Variants in LRRTM4 observed in about 807,000 individuals in gnomAD.
LRRTM4 encodes the protein leucine-rich repeat transmembrane neuronal protein 4.
Under a neutral mutation model 47.6 loss-of-function variants are expected in LRRTM4, and 25 were observed. That is an observed-to-expected ratio of 0.53 (90% confidence interval 0.38 to 0.73). The LOEUF is 0.73. Among genes scored for constraint, LRRTM4 ranks in the 30% least tolerant of loss-of-function variants. The pLI is 0.00. For missense variants in LRRTM4, 638 were observed against 713.4 expected, an observed-to-expected ratio of 0.89 and a Z score of 1.20; for synonymous variants, 311 against 269.5, an observed-to-expected ratio of 1.15 and a Z score of -1.51.
intron 3 of LRRTM4, among the ~76,000 whole-genome samples, chr2:76,904,984 G>T (rs1009856037): frequency 6.6e-6 from 1 of 152,178 alleles, no homozygotes; most frequent in Non-Finnish European, 1.5e-5. Flanking sequence ...TCTGAGCATT[G>T]AAGAAAGCAG....
intron 3 of LRRTM4, among the ~76,000 whole-genome samples, chr2:77,283,502 CA>C (rs1311520610): frequency 6.6e-6 from 1 of 151,748 alleles, no homozygotes; most frequent in Non-Finnish European, 1.5e-5. Flanking sequence ...ATGTTCCTAC[CA>C]AAAAAATACC....
intron 3 of LRRTM4, among the ~76,000 whole-genome samples, chr2:77,172,405 G>T (rs1673073559): frequency 1.3e-5 from 2 of 152,046 alleles, no homozygotes; most frequent in African/African-American, 4.8e-5. Flanking sequence ...GACTAGCCTG[G>T]CCAATATGGT....
intron 3 of LRRTM4, among the ~76,000 whole-genome samples, chr2:77,362,553 TCAGATATCATCCTAA>T (rs1304539825): frequency 6.6e-6 from 1 of 152,134 alleles, no homozygotes; most frequent in Non-Finnish European, 1.5e-5. Flanking sequence ...CCCAATCTGT[TCAGATATCATCCTAA>T]AACTGATCCT....
At chr2:76,788,344 A>C (rs1674790090) in intron 3 of LRRTM4, among the ~76,000 whole-genome samples, 1 of 152,218 alleles carries the variant, frequency 6.6e-6, no homozygotes, top group Non-Finnish European at 1.5e-5. Context: ...ATCCGTCTTG[A>C]ATAACCATTA....
At chr2:77,100,828 A>G (rs1262553268) in intron 3 of LRRTM4, among the ~76,000 whole-genome samples, 1 of 150,360 alleles carries the variant, frequency 6.7e-6, no homozygotes, top group Non-Finnish European at 1.5e-5. Context: ...GTAAGCTTCT[A>G]TTAAAGTAGC....
chr2:77,077,301 A>G (rs1680368424), intron 3 of LRRTM4, among the ~76,000 whole-genome samples: 3 of 152,280 alleles, frequency 2.0e-5, no homozygotes, highest in African/African-American at 7.2e-5. Flanking sequence ...ACTATAATCA[A>G]TCTGAAGATG....
intron 3 of LRRTM4, among the ~76,000 whole-genome samples, chr2:76,875,623 T>C (rs905218663): frequency 2.6e-5 from 4 of 152,070 alleles, no homozygotes; most frequent in African/African-American, 9.7e-5. Context: ...TGGCAAACAT[T>C]AGCAAAAAAG....
intron 3 of LRRTM4, among the ~76,000 whole-genome samples, chr2:77,142,336 A>G (rs1385836849): frequency 2.0e-5 from 3 of 151,968 alleles, no homozygotes; most frequent in Non-Finnish European, 2.9e-5. Context: ...TCTTGTTTCC[A>G]TGGTTTCCTG....
intron 3 of LRRTM4, among the ~76,000 whole-genome samples, chr2:77,497,407 C>G (rs551648808): frequency 6.6e-6 from 1 of 151,112 alleles, no homozygotes; most frequent in South Asian, 2.1e-4. Flanking sequence ...ATTGGAGATA[C>G]TTTTTCTTTC....
chr2:77,404,308 T>A (rs1033490234), intron 3 of LRRTM4, among the ~76,000 whole-genome samples: 1 of 152,108 alleles, frequency 6.6e-6, no homozygotes, highest in Non-Finnish European at 1.5e-5. Flanking sequence ...TCTTCTGTTG[T>A]CACTATCTCT....
intron 3 of LRRTM4, among the ~76,000 whole-genome samples, chr2:77,285,926 G>A (rs1031128392): frequency 2.0e-4 from 31 of 152,012 alleles, no homozygotes; most frequent in African/African-American, 6.5e-4. Context: ...CCTTAAGGAA[G>A]TAATTATAAA....
intron 3 of LRRTM4, among the ~76,000 whole-genome samples, chr2:77,184,969 A>C (rs552755603): frequency 2.6e-5 from 4 of 151,670 alleles, no homozygotes; most frequent in Non-Finnish European, 5.9e-5. Flanking sequence ...GTAATTAAAG[A>C]AACTCTTTGT....
chr2:77,434,856 T>C (rs1305521448), intron 3 of LRRTM4, among the ~76,000 whole-genome samples: 1 of 152,058 alleles, frequency 6.6e-6, no homozygotes, highest in African/African-American at 2.4e-5. Context: ...TTACACCAAA[T>C]AACTATGACC....
intron 3 of LRRTM4, among the ~76,000 whole-genome samples, chr2:77,460,566 T>G (rs1676749525): frequency 6.6e-6 from 1 of 152,168 alleles, no homozygotes; most frequent in Non-Finnish European, 1.5e-5. Context: ...AAAATGAACT[T>G]AAAATGATGA....
intron 3 of LRRTM4, among the ~76,000 whole-genome samples, chr2:76,968,282 C>G (rs1676094074): frequency 7.3e-6 from 1 of 136,852 alleles, no homozygotes; most frequent in Non-Finnish European, 1.6e-5. Flanking sequence ...GGCAATGAGT[C>G]TAAAAATCTC....
rs550784925 is a variant in LRRTM4 at position 77,452,971 on chromosome 2, T to C, written c.1551+65347A>G. On this transcript the variant is annotated intron_variant, in intron 3 of 3. Transcript: ENST00000409884. ...TGTTGATAATTTCTATGTGACCTTA[T>C]ATATAAACTTATATAAAAATACTCC... Among the ~76,000 whole-genome samples, 19 of 152,224 alleles carry C rather than the reference T, an allele frequency of 1.2e-4. No homozygotes were observed. The South Asian group carries it at 3.9e-3, about 32-fold the overall frequency.
intron 3 of LRRTM4, among the ~76,000 whole-genome samples, chr2:77,020,740 T>G (rs1040235181): frequency 2.6e-5 from 4 of 152,180 alleles, no homozygotes; most frequent in Admixed American, 1.3e-4. Context: ...ACTGGTCATT[T>G]CTTAAAGAAA....
intron 3 of LRRTM4, among the ~76,000 whole-genome samples, chr2:77,057,828 G>T (rs1679659331): frequency 6.6e-6 from 1 of 152,152 alleles, no homozygotes; most frequent in African/African-American, 2.4e-5. Context: ...TAGATATGAA[G>T]TGGGGAGATA....
intron 3 of LRRTM4, among the ~76,000 whole-genome samples, chr2:77,096,362 G>C (rs1352236535): frequency 1.3e-5 from 2 of 151,470 alleles, no homozygotes; most frequent in Admixed American, 6.6e-5. Context: ...AACAAAAGGA[G>C]CTTACTACTA....
Sources: allele counts gnomAD v4.1 joint callset (sites outside exome capture counted in the v4.1 genomes callset), GRCh38; gene constraint gnomAD v4.1.1; transcripts MANE v1.5; gene names NCBI Gene and HGNC (gene_info 2026-07-23, HGNC 2026-07-21).